The following CNNM2 variants were observed in gnomAD, a reference collection of about 807,000 sequenced individuals.
The protein encoded by CNNM2 is cyclin and CBS domain divalent metal cation transport mediator 2, also known as metal transporter CNNM2.
In CNNM2, 12 loss-of-function variants were observed where a neutral mutation model predicts 66.9. The ratio of observed to expected loss-of-function variants is 0.18; its 90% CI spans 0.11 to 0.29. CNNM2 has a LOEUF of 0.29. CNNM2 is among the 10% of genes least tolerant of loss of function. The pLI is 1.00. For missense variants in CNNM2, 705 were observed against 1,167.7 expected (o/e 0.60, Z 5.77); for synonymous variants, 557 against 501.8 (o/e 1.11, Z -1.47).
chr10:103,057,465 TAA>T (rs80025082), intron 4 of CNNM2, among the ~76,000 whole-genome samples: 6 of 141,580 alleles, frequency 4.2e-5, no homozygotes, highest in Non-Finnish European at 4.6e-5. Flanking sequence ...AACCCTGTTT[TAA>T]AAAAAAAAAA....
chr10:103,089,977 C>A lies in CNNM2; in HGVS notation c.*12797C>A. ...AGTAGCTACTCCCCAAATCCTAACC[C>A]CTCTCCTCTGTTAGGTGGCCATGCA... On this transcript the variant is annotated 3_prime_UTR_variant, in exon 8 of 8. Coordinates refer to ENST00000369878, the MANE Select transcript of CNNM2 (RefSeq NM_017649.5). 2.3e-6 allele frequency: 3 copies of A among 1,298,342 alleles called. No homozygotes were observed. The South Asian group carries it at 4.4e-5, about 19-fold the overall frequency. The allele number at this position is 1,298,342 out of a possible 1,614,324, so 80.4% of individuals were successfully genotyped here.
intron 1 of CNNM2, among the ~76,000 whole-genome samples, chr10:102,976,511 T>A (rs1311968807): frequency 1.3e-5 from 2 of 148,422 alleles, no homozygotes; most frequent in Non-Finnish European, 3.0e-5. Context: ...GCAGCTTAGA[T>A]TGCAGCTTAC....
rs66498944 is a variant in CNNM2 at position 102,976,611 on chromosome 10, A to ATTTTTTTTTTTTTTTTTTT, written c.1621+56520_1621+56538dup. Among the ~76,000 whole-genome samples, 89 of 59,434 alleles carry ATTTTTTTTTTTTTTTTTTT rather than the reference A, an allele frequency of 1.5e-3. 3 individuals carry two copies. The highest frequency in any genetic ancestry group is 2.2e-3 in the Non-Finnish European group (71 of 32,936). The allele number at this position is 59,434 out of a possible 152,430, so 39.0% of individuals were successfully genotyped here. On this transcript the variant is annotated intron_variant, in intron 1 of 7. Transcript: ENST00000369878. The stretch of plus-strand genomic sequence containing the variant: ...CAGGTGTGCGCCACACGCCCAGGTA[A>ATTTTTTTTTTTTTTTTTTT]TTTTTTTTTTTTTTTTTTTTTTTTT...
intron 1 of CNNM2, among the ~76,000 whole-genome samples, chr10:103,011,646 C>CTGTGTGTGTGTGTG (rs10624803): frequency 7.9e-4 from 107 of 136,050 alleles, no homozygotes; most frequent in African/African-American, 2.3e-3. Flanking sequence ...AATACTTGCA[C>CTGTGTGTGTGTGTG]TGTGTGTGTG....
At chr10:102,955,797 G>C (rs1359508219) in intron 1 of CNNM2, among the ~76,000 whole-genome samples, 1 of 152,178 alleles carries the variant, frequency 6.6e-6, no homozygotes, top group Non-Finnish European at 1.5e-5. Context: ...CTGGTCATCA[G>C]AGAAATGCAA....
At chr10:102,989,116 G>A (rs1326234401) in intron 1 of CNNM2, among the ~76,000 whole-genome samples, 1 of 152,150 alleles carries the variant, frequency 6.6e-6, no homozygotes, top group Non-Finnish European at 1.5e-5. Context: ...ATTTAGTTCT[G>A]TGCAAACAGG....
At chr10:102,941,733 C>T (rs1022864876) in intron 1 of CNNM2, among the ~76,000 whole-genome samples, 4 of 152,220 alleles carry the variant, frequency 2.6e-5, no homozygotes, top group Non-Finnish European at 5.9e-5. Context: ...CAGCCCCTCT[C>T]CTGCAACTTT....
rs2065792060 is a variant in CNNM2, at chr10:103,085,127, A to G, written c.*7947A>G. The G allele has an allele frequency of 6.6e-6, 1 of 152,122 alleles. No homozygotes were observed. Among genetic ancestry groups the G allele is most frequent in the African/African-American group, 2.4e-5 (1 of 41,422 alleles). 9.4% of individuals were successfully genotyped at this position (152,122 alleles called of 1,614,324 possible). A position where few individuals can be genotyped will look rare whatever the true frequency, so the allele number is the denominator to read the frequency against. On this transcript the variant is annotated 3_prime_UTR_variant, in exon 8 of 8. Coordinates refer to ENST00000369878, the MANE Select transcript of CNNM2 (RefSeq NM_017649.5). Reference sequence around the variant, plus strand: ...TGAGGACTGAGGATGCACGTTTCTAAGGGAGAATTAGTTGCCCGACTTCTG... The same window carrying G: ...TGAGGACTGAGGATGCACGTTTCTAGGGGAGAATTAGTTGCCCGACTTCTG...
At chr10:102,929,873 A>G (rs1019813665) in intron 1 of CNNM2, among the ~76,000 whole-genome samples, 7 of 152,246 alleles carry the variant, frequency 4.6e-5, no homozygotes, top group East Asian at 1.9e-4. Flanking sequence ...ATCAAAAAAG[A>G]TAAAATATTT....
intron 1 of CNNM2, among the ~76,000 whole-genome samples, chr10:103,021,028 C>T (rs1413505052): frequency 2.0e-5 from 3 of 152,062 alleles, no homozygotes; most frequent in African/African-American, 4.8e-5. Context: ...TTTGCTTCTC[C>T]CTATGGTGGA....
chr10:102,999,739 T>C (rs2134253572), intron 1 of CNNM2, among the ~76,000 whole-genome samples: 1 of 152,294 alleles, frequency 6.6e-6, no homozygotes, highest in South Asian at 2.1e-4. Flanking sequence ...AAAAACAGTC[T>C]TGAAAAAACT....
intron 1 of CNNM2, among the ~76,000 whole-genome samples, chr10:102,991,629 G>C (rs1412447780): frequency 1.3e-5 from 2 of 152,130 alleles, no homozygotes; most frequent in African/African-American, 4.8e-5. Flanking sequence ...GTATCTGAAG[G>C]AGTAGAGGGA....
intron 1 of CNNM2, among the ~76,000 whole-genome samples, chr10:103,015,869 AAAAC>A (rs941383759): frequency 1.3e-5 from 2 of 152,082 alleles, no homozygotes; most frequent in East Asian, 1.9e-4. Flanking sequence ...ACAACAACAA[AAAAC>A]AAACAAAAAA....
chr10:102,920,290 T>A (rs1355469638), intron 1 of CNNM2, among the ~76,000 whole-genome samples, 189 bp downstream of exon 1: 1 of 152,224 alleles, frequency 6.6e-6, no homozygotes, highest in East Asian at 1.9e-4. Context: ...TGCTACTAGG[T>A]TATTTTAAAG....
At chr10:102,922,683 G>A (rs537477246) in intron 1 of CNNM2, among the ~76,000 whole-genome samples, 2 of 152,256 alleles carry the variant, frequency 1.3e-5, no homozygotes, top group East Asian at 1.9e-4. Context: ...GCTCATGCCC[G>A]TAATCCCAGC....
Position 103,088,980 on chromosome 10 carries a change from G to T in CNNM2, c.*11800G>T. The stretch of plus-strand genomic sequence containing the variant: ...TCTATAGATTTATCACAGATAAGAA[G>T]GAGGTTGTTTTTGGATAACAAATAA... On this transcript the variant is annotated 3_prime_UTR_variant, in exon 8 of 8. Transcript: ENST00000369878. The T allele has an allele frequency of 4.8e-6, 1 of 209,358 alleles. No homozygotes were observed. The highest frequency in any genetic ancestry group is 2.3e-5 in the African/African-American group (1 of 44,092). 13.0% of individuals were successfully genotyped at this position (209,358 alleles called of 1,614,324 possible). A position where few individuals can be genotyped will look rare whatever the true frequency, so the allele number is the denominator to read the frequency against.
intron 2 of CNNM2, among the ~76,000 whole-genome samples, chr10:103,053,369 T>C (rs371104045): frequency 6.6e-6 from 1 of 152,104 alleles, no homozygotes; most frequent in African/African-American, 2.4e-5. Context: ...ATTTTAAAAT[T>C]AGCTGGGCGT....
In CNNM2 at chr10:103,050,536, CA is replaced by C. The variant is rs572731260; in HGVS notation, c.1765+702del. Among the ~76,000 whole-genome samples the C allele has an allele frequency of 0.14, 14,110 of 100,012 alleles. 878 individuals are homozygous for C. Among genetic ancestry groups the C allele is most frequent in the East Asian group, 0.41 (1,696 of 4,152 alleles). 65.6% of individuals were successfully genotyped at this position (100,012 alleles called of 152,430 possible). On this transcript the variant is annotated intron_variant, in intron 2 of 7. Transcript: ENST00000369878. ...TGGTTAACAGAGTGAGAGTCCACCT[CA>C]AAAAAAAAAAAAAAAGTGAATGGGA...
rs576230048 is a variant in CNNM2, at chr10:103,087,324, G to A, written c.*10144G>A. ...CACACTCTTAAGAATAATATACAGA[G>A]AGGCACCATTTTGCTCTGGGTCTTA... On this transcript the variant is annotated 3_prime_UTR_variant, in exon 8 of 8. Coordinates refer to ENST00000369878, the MANE Select transcript of CNNM2 (RefSeq NM_017649.5). 8.6e-4 allele frequency: 130 copies of A among 151,956 alleles called. No individual in the cohort carries two copies. The highest frequency in any genetic ancestry group is 2.7e-3 in the African/African-American group (113 of 41,422). 9.4% of individuals were successfully genotyped at this position (151,956 alleles called of 1,614,324 possible).
Sources: allele counts gnomAD v4.1 joint callset (sites outside exome capture counted in the v4.1 genomes callset), GRCh38; gene constraint gnomAD v4.1.1; transcripts MANE v1.5; gene names NCBI Gene and HGNC (gene_info 2026-07-23, HGNC 2026-07-21).